Variants in CSMD1 observed in about 807,000 individuals in gnomAD.
The protein encoded by CSMD1 is CUB and Sushi multiple domains 1.
Under a neutral mutation model 417.5 loss-of-function variants are expected in CSMD1, and 213 were observed. The ratio of observed to expected loss-of-function variants is 0.51; its 90% CI spans 0.46 to 0.57. CSMD1 has a LOEUF of 0.57. Among genes scored for constraint, CSMD1 ranks in the 20% least tolerant of loss-of-function variants. The pLI is 0.00. For synonymous variants in CSMD1, 2,862 were observed against 1,736.8 expected (o/e 1.65, Z -16.11); for missense variants, 6,923 against 4,529.7 (o/e 1.53, Z -15.17).
chr8:3,682,251 G>C (rs1272698921), intron 7 of CSMD1, among the ~76,000 whole-genome samples: 1 of 152,076 alleles, frequency 6.6e-6, no homozygotes, highest in African/African-American at 2.4e-5. Context: ...AGAGTGAACA[G>C]GCAACCTAAA....
rs372937646 is a variant in CSMD1, at chr8:3,112,282, G to T, written c.6431-1947C>A. 1.1e-3 allele frequency among the ~76,000 whole-genome samples: 168 copies of T among 152,280 alleles called. 3 individuals carry two copies. The South Asian group carries it at 0.016, about 15-fold the overall frequency. ...GCTGAAACCCTTTACAGGTGACTCC[G>T]TGCTAGTAATTTAGTGTGGACTTAC... On this transcript the variant is annotated intron_variant, in intron 42 of 69. Coordinates refer to ENST00000635120, the MANE Select transcript of CSMD1 (RefSeq NM_033225.6).
intron 23 of CSMD1, among the ~76,000 whole-genome samples, chr8:3,318,792 C>G (rs1732814572): frequency 6.6e-6 from 1 of 152,012 alleles, no homozygotes. Context: ...ACAGGGCAGC[C>G]CACACACACA....
intron 7 of CSMD1, among the ~76,000 whole-genome samples, chr8:3,691,921 C>T (rs919385352): frequency 2.0e-5 from 3 of 152,108 alleles, no homozygotes; most frequent in East Asian, 1.9e-4. Flanking sequence ...ACTGTGAAAA[C>T]ACACTCCAAT....
At chr8:4,144,409 G>A (rs541574091) in intron 3 of CSMD1, among the ~76,000 whole-genome samples, 4 of 151,170 alleles carry the variant, frequency 2.6e-5, no homozygotes, top group Admixed American at 1.3e-4. Flanking sequence ...TGTTTTGCCA[G>A]GAAAAATCTG....
At chr8:3,828,308 G>A (rs1294859117) in intron 5 of CSMD1, among the ~76,000 whole-genome samples, 1 of 152,260 alleles carries the variant, frequency 6.6e-6, no homozygotes, top group Non-Finnish European at 1.5e-5. Flanking sequence ...TGGAACACCT[G>A]TCTCAGCTTT....
intron 1 of CSMD1, among the ~76,000 whole-genome samples, chr8:4,771,131 T>G (rs1373095447): frequency 1.3e-5 from 2 of 152,152 alleles, no homozygotes; most frequent in Non-Finnish European, 2.9e-5. Context: ...TTAAAATTGG[T>G]GAAGATATGA....
intron 5 of CSMD1, among the ~76,000 whole-genome samples, chr8:3,967,272 C>G (rs375348666): frequency 1.8e-4 from 25 of 136,848 alleles, no homozygotes; most frequent in African/African-American, 2.5e-4. Context: ...AATTCTCTCT[C>G]TATACTGTTC....
chr8:4,402,322 C>T (rs917688157), intron 3 of CSMD1, among the ~76,000 whole-genome samples: 1 of 152,010 alleles, frequency 6.6e-6, no homozygotes, highest in Non-Finnish European at 1.5e-5. Flanking sequence ...TCCTTCAAAT[C>T]TATACTTCAT....
At chr8:3,855,341 T>C (rs143579565) in intron 5 of CSMD1, among the ~76,000 whole-genome samples, 2 of 152,282 alleles carry the variant, frequency 1.3e-5, no homozygotes, top group East Asian at 1.9e-4. Context: ...CAGAAGGAAA[T>C]ACACTCACAT....
At chr8:3,612,176 T>G (rs1248114228) in intron 8 of CSMD1, among the ~76,000 whole-genome samples, 1 of 152,078 alleles carries the variant, frequency 6.6e-6, no homozygotes, top group Non-Finnish European at 1.5e-5. Context: ...AAGACAAATT[T>G]GATTTCAGAG....
At chr8:3,968,658 T>C (rs185914696) in intron 5 of CSMD1, among the ~76,000 whole-genome samples, 159 of 152,268 alleles carry the variant, frequency 1.0e-3, no homozygotes, top group African/African-American at 3.7e-3. Context: ...CTGTCCTAAA[T>C]CCCGAAAGCT....
intron 3 of CSMD1, among the ~76,000 whole-genome samples, chr8:4,364,291 G>C (rs431014): frequency 6.6e-6 from 1 of 152,152 alleles, no homozygotes; most frequent in Admixed American, 6.6e-5. Flanking sequence ...TTTAAGCCAA[G>C]GGGAACATTA....
chr8:4,772,060 TA>T (rs1796625802), intron 1 of CSMD1, among the ~76,000 whole-genome samples: 1 of 152,178 alleles, frequency 6.6e-6, no homozygotes, highest in Non-Finnish European at 1.5e-5. Context: ...TAAAACCAGG[TA>T]TCGGCAGGCT....
rs140624687 is a variant in CSMD1, at chr8:3,003,781, G to C, written c.8030-3650C>G. Reference sequence around the variant, plus strand: ...CTGAGGACCAGGACTCCTGGTGAAAGAGGTGGCATTTAAAGTCTGAAGGAT... The same window carrying C: ...CTGAGGACCAGGACTCCTGGTGAAACAGGTGGCATTTAAAGTCTGAAGGAT... On this transcript the variant is annotated intron_variant, in intron 52 of 69. Transcript: ENST00000635120. Among the ~76,000 whole-genome samples the C allele has an allele frequency of 2.3e-3, 355 of 152,338 alleles. 1 individual carries two copies. Among genetic ancestry groups the C allele is most frequent in the Non-Finnish European group, 3.5e-3 (236 of 68,024 alleles).
chr8:4,222,602 G>C (rs1005057552), intron 3 of CSMD1, among the ~76,000 whole-genome samples: 1 of 152,150 alleles, frequency 6.6e-6, no homozygotes, highest in Non-Finnish European at 1.5e-5. Context: ...TCCGAAGCCT[G>C]GCTGCTCCCA....
intron 3 of CSMD1, among the ~76,000 whole-genome samples, chr8:4,419,448 C>G (rs1358623946): frequency 2.0e-5 from 3 of 152,084 alleles, no homozygotes; most frequent in Non-Finnish European, 4.4e-5. Context: ...GGCACAAAAT[C>G]TGAAGACATG....
At chr8:3,647,080 A>C (rs983387757) in intron 7 of CSMD1, among the ~76,000 whole-genome samples, 3 of 152,066 alleles carry the variant, frequency 2.0e-5, no homozygotes, top group Non-Finnish European at 4.4e-5. Context: ...TGAAGTGGAG[A>C]GTCCAGCCCT....
intron 2 of CSMD1, among the ~76,000 whole-genome samples, chr8:4,545,165 A>G (rs1275425542): frequency 6.6e-6 from 1 of 152,220 alleles, no homozygotes; most frequent in South Asian, 2.1e-4. Context: ...CTTAAAAATC[A>G]TATTTGTGAG....
In CSMD1 at chr8:4,647,479, T is replaced by G. The variant is rs189121941; in HGVS notation, c.86-9921A>C. On this transcript the variant is annotated intron_variant, in intron 1 of 69. Transcript: ENST00000635120. Reference sequence around the variant, plus strand: ...CGGCGGCCTGCTACGTAGGTACGCGTGTGCCATGGTGGTTTGTTACGTAGG... The same window carrying G: ...CGGCGGCCTGCTACGTAGGTACGCGGGTGCCATGGTGGTTTGTTACGTAGG... Among the ~76,000 whole-genome samples the G allele has an allele frequency of 3.9e-3, 571 of 148,300 alleles. 2 individuals are homozygous for G. The highest frequency in any genetic ancestry group is 0.01 in the Middle Eastern group (3 of 294).
Sources: gnomAD v4.1 joint callset for allele counts (sites outside exome capture counted in the v4.1 genomes callset) on GRCh38, gnomAD v4.1.1 for gene constraint, MANE v1.5 for transcripts, NCBI Gene and HGNC (gene_info 2026-07-23, HGNC 2026-07-21) for gene names.